The following OR10J1 variants were observed in gnomAD, a reference collection of about 807,000 sequenced individuals.
The protein encoded by OR10J1 is olfactory receptor family 10 subfamily J member 1, also known as olfactory receptor 10J1.
For synonymous variants in OR10J1, 202 were observed against 143.8 expected, an observed-to-expected ratio of 1.40 and a Z score of -2.89; for missense variants, 474 against 376.6, an observed-to-expected ratio of 1.26 and a Z score of -2.14.
chr1:159,431,231 A>T, the OR10J1 span, among the ~76,000 whole-genome samples: 1 of 152,158 alleles, frequency 6.6e-6, no homozygotes, highest in Admixed American at 6.5e-5. Flanking sequence ...ACGGGAGAAA[A>T]GGAGTGTCTC....
At chr1:159,411,508 C>G in the OR10J1 span, among the ~76,000 whole-genome samples, 3 of 152,094 alleles carry the variant, frequency 2.0e-5, no homozygotes, top group South Asian at 6.2e-4. Flanking sequence ...TTATCAGAGA[C>G]TAGGATTGCA....
At position 159,440,233 on chromosome 1, in the gene OR10J1, G is replaced by T. The variant is rs1462727268; in HGVS notation, c.442G>T (p.Ala148Ser). The change falls in exon 1 of 1, where the codon GCC (alanine) becomes TCC (serine). Residue 148 changes from alanine (A) to serine (S), a missense_variant. Transcript: ENST00000423932. ...GCTGCGTATCCAACTTGTCCTGGGG[G>T]CCTGCAGCATTGGGCTGATTGTAGC... ...KRLRIQLVLG[A>S]CSIGLIVAIT... 5.6e-6 allele frequency: 9 copies of T among 1,614,142 alleles called. No homozygotes were observed. Among genetic ancestry groups the T allele is most frequent in the Non-Finnish European group, 7.6e-6 (9 of 1,180,008 alleles).
the OR10J1 span, among the ~76,000 whole-genome samples, chr1:159,402,435 A>G: frequency 1.3e-5 from 2 of 152,128 alleles, no homozygotes; most frequent in African/African-American, 4.8e-5. Flanking sequence ...ATGAACACAC[A>G]AAAATCAGTA....
At chr1:159,412,258 C>G in the OR10J1 span, among the ~76,000 whole-genome samples, 3 of 151,844 alleles carry the variant, frequency 2.0e-5, no homozygotes, top group Non-Finnish European at 2.9e-5. Flanking sequence ...AAAGGCCATA[C>G]TGCCCAAGGT....
the OR10J1 span, chr1:159,405,508 A>G: frequency 4.7e-5 from 13 of 274,724 alleles, no homozygotes; most frequent in Non-Finnish European, 7.6e-5. Flanking sequence ...CAAGATCTAC[A>G]TGACAGAGTT....
the OR10J1 span, among the ~76,000 whole-genome samples, chr1:159,406,741 C>T: frequency 2.0e-5 from 3 of 152,142 alleles, no homozygotes; most frequent in Non-Finnish European, 2.9e-5. Flanking sequence ...TACCCTTAAT[C>T]TGAGCCTTTG....
At chr1:159,418,029 T>A in the OR10J1 span, among the ~76,000 whole-genome samples, 1 of 152,168 alleles carries the variant, frequency 6.6e-6, no homozygotes, top group Non-Finnish European at 1.5e-5. Context: ...TTAGGGTATC[T>A]CGTGGAAGAA....
the OR10J1 span, among the ~76,000 whole-genome samples, chr1:159,418,912 T>C: frequency 8.5e-4 from 130 of 152,316 alleles, no homozygotes; most frequent in Non-Finnish European, 1.6e-3. Context: ...TGAGTCAAAG[T>C]AGATCATTTT....
chr1:159,419,414 A>G, the OR10J1 span, among the ~76,000 whole-genome samples: 1 of 152,150 alleles, frequency 6.6e-6, no homozygotes, highest in African/African-American at 2.4e-5. Flanking sequence ...TGGTTTTATA[A>G]ATGGGAGTTT....
the OR10J1 span, chr1:159,405,926 T>G: frequency 2.0e-6 from 1 of 512,752 alleles, no homozygotes; most frequent in South Asian, 1.8e-5. Context: ...AGGCCAATCC[T>G]CAGTGACCCA....
In OR10J1 at chr1:159,439,868, C is replaced by T; in HGVS notation, c.77C>T (p.Thr26Ile). The change falls in exon 1 of 1, where the codon ACC becomes ATC. Residue 26 changes from threonine (T) to isoleucine (I), a missense_variant. Transcript: ENST00000423932. ...TCTAGCTTCCATGAGCAGCAGATCA[C>T]CCTTTTTGGCGTGTTCCTTGCACTA... ...GFSSFHEQQI[T>I]LFGVFLALYI... The T allele has an allele frequency of 6.2e-7, 1 of 1,614,148 alleles. No homozygotes were observed. The highest frequency in any genetic ancestry group is 8.5e-7 in the Non-Finnish European group (1 of 1,180,008).
At chr1:159,422,829 TG>T in the OR10J1 span, among the ~76,000 whole-genome samples, 1 of 152,068 alleles carries the variant, frequency 6.6e-6, no homozygotes, top group Admixed American at 6.5e-5. Context: ...TGAGGACCAC[TG>T]GGGGGCTTTT....
chr1:159,415,441 A>G, the OR10J1 span, among the ~76,000 whole-genome samples: 2 of 152,022 alleles, frequency 1.3e-5, no homozygotes, highest in Non-Finnish European at 2.9e-5. Context: ...GTCTGTTTTT[A>G]TACTAATACC....
chr1:159,432,276 A>G, the OR10J1 span: 1 of 401,028 alleles, frequency 2.5e-6, no homozygotes, highest in South Asian at 1.3e-4. Flanking sequence ...GTGGCATCAC[A>G]GACTCATCCT....
At chr1:159,414,110 C>G in the OR10J1 span, among the ~76,000 whole-genome samples, 1 of 152,050 alleles carries the variant, frequency 6.6e-6, no homozygotes, top group South Asian at 2.1e-4. Context: ...TTCAAGTCCT[C>G]TCTTCTAGCT....
Position 159,440,290 on chromosome 1 carries a change from C to G in OR10J1, c.499C>G (p.Pro167Ala). ...GCAAGTGACATCTGTATTCAGGTTA[C>G]CCTTCTGTGCTAGAAAGGTGCCCCA... ...ITQVTSVFRL[P>A]FCARKVPHFF... The change falls in exon 1 of 1, where the codon CCC (proline) becomes GCC (alanine). Residue 167 changes from proline (P) to alanine (A), a missense_variant. Pro to Ala is a conservative substitution (Grantham distance 27, BLOSUM62 -1). Transcript: ENST00000423932. 1 of 1,614,146 alleles carries G rather than the reference C, an allele frequency of 6.2e-7. No individual in the cohort carries two copies. The highest frequency in any genetic ancestry group is 8.5e-7 in the Non-Finnish European group (1 of 1,180,004).
chr1:159,430,289 C>T, the OR10J1 span, among the ~76,000 whole-genome samples: 5 of 151,976 alleles, frequency 3.3e-5, no homozygotes, highest in African/African-American at 7.2e-5. Flanking sequence ...GTCCAGTCTC[C>T]GCAGCCCTCA....
the OR10J1 span, among the ~76,000 whole-genome samples, chr1:159,427,155 G>T: frequency 5.9e-5 from 9 of 151,430 alleles, no homozygotes; most frequent in African/African-American, 1.9e-4. Flanking sequence ...ATACTACTAC[G>T]GCTTCACAAA....
chr1:159,419,442 G>A, the OR10J1 span, among the ~76,000 whole-genome samples: 1 of 152,120 alleles, frequency 6.6e-6, no homozygotes, highest in Non-Finnish European at 1.5e-5. Flanking sequence ...CAAGTTTTCT[G>A]TCTTGCTTGC....
Sources: allele counts gnomAD v4.1 joint callset (sites outside exome capture counted in the v4.1 genomes callset), GRCh38; gene constraint gnomAD v4.1.1; transcripts MANE v1.5; gene names NCBI Gene and HGNC (gene_info 2026-07-23, HGNC 2026-07-21).